Variants in PLCB1 observed in about 807,000 individuals in gnomAD.
PLCB1 encodes 1-phosphatidylinositol 4,5-bisphosphate phosphodiesterase beta-1.
Under a neutral mutation model 161.8 loss-of-function variants are expected in PLCB1, and 46 were observed. That is an observed-to-expected ratio of 0.28 (90% confidence interval 0.22 to 0.36). The LOEUF (loss-of-function observed/expected upper bound fraction) is 0.36. Among genes scored for constraint, PLCB1 ranks in the 10% least tolerant of loss-of-function variants. The pLI is 1.00. For missense variants in PLCB1, 1,016 were observed against 1,472.5 expected (o/e 0.69, Z 5.07); for synonymous variants, 517 against 503.7 (o/e 1.03, Z -0.35).
chr20:8,390,772 G>A (rs1408576324), intron 3 of PLCB1, among the ~76,000 whole-genome samples: 1 of 152,062 alleles, frequency 6.6e-6, no homozygotes, highest in African/African-American at 2.4e-5. Context: ...TGTATTGCAA[G>A]TGCCTATAAG....
intron 10 of PLCB1, among the ~76,000 whole-genome samples, chr20:8,685,570 C>T (rs78851470): frequency 2.5e-5 from 3 of 121,614 alleles, no homozygotes; most frequent in African/African-American, 9.7e-5. Context: ...ACTAAAAATA[C>T]AAAAAAAAAA....
At chr20:8,152,529 G>A (rs1169073228) in intron 2 of PLCB1, among the ~76,000 whole-genome samples, 2 of 151,912 alleles carry the variant, frequency 1.3e-5, no homozygotes, top group Admixed American at 6.6e-5. Context: ...TGAATGAATG[G>A]TACATTCATG....
chr20:8,288,511 T>C (rs2123297268), intron 2 of PLCB1, among the ~76,000 whole-genome samples: 1 of 152,280 alleles, frequency 6.6e-6, no homozygotes, highest in South Asian at 2.1e-4. Context: ...CTCAACCTGG[T>C]CCCACAGGGA....
At chr20:8,190,004 C>G (rs981185579) in intron 2 of PLCB1, among the ~76,000 whole-genome samples, 2 of 152,050 alleles carry the variant, frequency 1.3e-5, no homozygotes, top group African/African-American at 4.8e-5. Flanking sequence ...ATGTTCTTAG[C>G]AAGTCTTGAA....
intron 27 of PLCB1, among the ~76,000 whole-genome samples, chr20:8,780,593 A>G (rs373794744): frequency 6.6e-6 from 1 of 152,196 alleles, no homozygotes; most frequent in Non-Finnish European, 1.5e-5. Flanking sequence ...TCCCACCAGC[A>G]ATCATTTCAG....
At chr20:8,798,306 T>C (rs1263366599) in intron 31 of PLCB1, among the ~76,000 whole-genome samples, 1 of 152,178 alleles carries the variant, frequency 6.6e-6, no homozygotes, top group African/African-American at 2.4e-5. Context: ...AGTCCCCACA[T>C]TGCATTTCTG....
At chr20:8,461,023 T>C (rs1345634420) in intron 3 of PLCB1, among the ~76,000 whole-genome samples, 1 of 152,176 alleles carries the variant, frequency 6.6e-6, no homozygotes, top group Non-Finnish European at 1.5e-5. Context: ...GTATTTGAAA[T>C]GTGGCCAGTG....
intron 3 of PLCB1, among the ~76,000 whole-genome samples, chr20:8,462,986 AATTT>A (rs559422790): frequency 6.3e-4 from 96 of 152,110 alleles, no homozygotes; most frequent in Non-Finnish European, 1.1e-3. Flanking sequence ...AATAAATGAG[AATTT>A]ATTTATTTAT....
intron 3 of PLCB1, among the ~76,000 whole-genome samples, chr20:8,391,785 GTATATATATATATA>G (rs374178427): frequency 0.031 from 3,607 of 115,170 alleles, 211 homozygotes; most frequent in African/African-American, 0.11. Context: ...ATATGTGTGT[GTATATATATATATA>G]TATATATATA....
intron 3 of PLCB1, among the ~76,000 whole-genome samples, chr20:8,448,764 G>A (rs73593735): frequency 0.011 from 1,675 of 152,298 alleles, 28 homozygotes; most frequent in African/African-American, 0.038. Context: ...CTGTCTGGAT[G>A]TTAGCTGTTT....
intron 3 of PLCB1, among the ~76,000 whole-genome samples, chr20:8,611,271 G>T (rs1296037109): frequency 6.6e-6 from 1 of 152,018 alleles, no homozygotes; most frequent in Admixed American, 6.6e-5. Context: ...CTAAAATGGT[G>T]CCATTGGGCA....
rs1364657407 is a variant in PLCB1, at chr20:8,276,971, C to CTTA, written c.178-94409_178-94408insATT. The stretch of plus-strand genomic sequence containing the variant: ...TCTTCTTCTTCTTCTTCTTCTTCTT[C>CTTA]TTCTTCTTCTTCTTCTTATTATTAT... On this transcript the variant is annotated intron_variant, in intron 2 of 31. Coordinates refer to ENST00000338037, the MANE Select transcript of PLCB1 (RefSeq NM_015192.4). 2.3e-3 allele frequency among the ~76,000 whole-genome samples: 245 copies of CTTA among 108,146 alleles called. 1 individual carries two copies. The highest frequency in any genetic ancestry group is 4.6e-3 in the Middle Eastern group (1 of 218). The allele number at this position is 108,146 out of a possible 152,430, so 70.9% of individuals were successfully genotyped here.
At chr20:8,453,084 T>C (rs1272796790) in intron 3 of PLCB1, among the ~76,000 whole-genome samples, 2 of 152,232 alleles carry the variant, frequency 1.3e-5, no homozygotes, top group African/African-American at 2.4e-5. Flanking sequence ...TCTTTGTGAA[T>C]GTGATAACTC....
chr20:8,691,559 T>G lies in PLCB1; in HGVS notation c.1010-6067T>G, dbSNP rs140199519. Among the ~76,000 whole-genome samples, 199 of 152,218 alleles carry G rather than the reference T, an allele frequency of 1.3e-3. 2 individuals are homozygous for G. The highest frequency in any genetic ancestry group is 4.4e-3 in the African/African-American group (181 of 41,534). On this transcript the variant is annotated intron_variant, in intron 10 of 31. Transcript: ENST00000338037. Reference sequence around the variant, plus strand: ...ATCCTCCTTGTCACCACCCAACTTATTTTCTTGGAGCATTTTAAGGACTAA... The same window carrying G: ...ATCCTCCTTGTCACCACCCAACTTAGTTTCTTGGAGCATTTTAAGGACTAA...
intron 27 of PLCB1, among the ~76,000 whole-genome samples, chr20:8,776,332 A>C (rs1982942592): frequency 6.6e-6 from 1 of 152,202 alleles, no homozygotes; most frequent in Non-Finnish European, 1.5e-5. Flanking sequence ...TTGGGATTTG[A>C]ACCTTGGTCC....
At chr20:8,488,874 C>T (rs1346909679) in intron 3 of PLCB1, among the ~76,000 whole-genome samples, 2 of 152,216 alleles carry the variant, frequency 1.3e-5, no homozygotes, top group East Asian at 3.9e-4. Flanking sequence ...TGACTTTATC[C>T]TGGACAGTGC....
chr20:8,591,305 A>G (rs1446450637), intron 3 of PLCB1, among the ~76,000 whole-genome samples: 1 of 152,192 alleles, frequency 6.6e-6, no homozygotes, highest in African/African-American at 2.4e-5. Context: ...TTGGGGAGCC[A>G]TTATTCTGCC....
chr20:8,536,696 A>G (rs1985064410), intron 3 of PLCB1, among the ~76,000 whole-genome samples: 1 of 152,152 alleles, frequency 6.6e-6, no homozygotes, highest in Non-Finnish European at 1.5e-5. Flanking sequence ...TGGTACTACA[A>G]AAGGCAAGAA....
At position 8,738,782 on chromosome 20, in the gene PLCB1, G is replaced by GA. The variant is rs551613456; in HGVS notation, c.2209-475dup. Among the ~76,000 whole-genome samples the GA allele has an allele frequency of 5.9e-4, 90 of 152,288 alleles. 2 individuals carry two copies. The South Asian group carries it at 0.018, about 30-fold the overall frequency. ...TCTGGCAACCCATGTCTTCTCCTCT[G>GA]AAAATGAAATTTATAGGGCAACATC... On this transcript the variant is annotated intron_variant, in intron 20 of 31. Coordinates refer to ENST00000338037, the MANE Select transcript of PLCB1 (RefSeq NM_015192.4).
Sources: gnomAD v4.1 joint callset for allele counts (sites outside exome capture counted in the v4.1 genomes callset) on GRCh38, gnomAD v4.1.1 for gene constraint, MANE v1.5 for transcripts, NCBI Gene and HGNC (gene_info 2026-07-23, HGNC 2026-07-21) for gene names.